The following TMPRSS9 variants were observed in gnomAD, a reference collection of about 807,000 sequenced individuals.
TMPRSS9 encodes the protein transmembrane protease serine 9.
TMPRSS9 carries 113 observed loss-of-function variants against 111.4 expected under a neutral mutation model. The observed-to-expected ratio is 1.01, with a 90% CI of 0.87 to 1.19. TMPRSS9 has a LOEUF of 1.19. Ranked by LOEUF, TMPRSS9 falls within the 50% of genes most tolerant of loss-of-function variation. The pLI is 0.00. For synonymous variants in TMPRSS9, 805 were observed against 659.1 expected (o/e 1.22, Z -3.39); for missense variants, 1,803 against 1,513.1 (o/e 1.19, Z -3.18).
rs1970267337 is a variant in TMPRSS9 at position 2,368,796 on chromosome 19, T to TTTTTTTTTTTTTTTC, written c.-26+8441_-26+8442insTTTTTTTTTCTTTTT. Among the ~76,000 whole-genome samples, 2 of 123,928 alleles carry TTTTTTTTTTTTTTTC rather than the reference T, an allele frequency of 1.6e-5. 1 individual carries two copies. Among genetic ancestry groups the TTTTTTTTTTTTTTTC allele is most frequent in the African/African-American group, 7.3e-5 (2 of 27,522 alleles). 81.3% of individuals were successfully genotyped at this position (123,928 alleles called of 152,430 possible). ...CCAGTTTTTTTTTTTTTTTTTTTTT[T>TTTTTTTTTTTTTTTC]TTTTTAAAGACAGAGTCTCACTCTG... On this transcript the variant is annotated intron_variant, in intron 1 of 17. Transcript: ENST00000649857.
intron 9 of TMPRSS9, 83 bp from the exon 11 acceptor site, chr19:2,413,617 A>C: frequency 3.4e-6 from 5 of 1,468,110 alleles, no homozygotes; most frequent in Non-Finnish European, 4.6e-6. Flanking sequence ...GTCCCAGCTC[A>C]GAGCTCCTTC....
chr19:2,422,144 G>A (rs377421146), exon 14 of TMPRSS9: 24 of 1,590,904 alleles, frequency 1.5e-5, no homozygotes, highest in African/African-American at 2.7e-5. Context: ...GCAGGGTGAC[G>A]GGCCAACCTG....
At chr19:2,379,093 A>G (rs188511683) in intron 1 of TMPRSS9, among the ~76,000 whole-genome samples, 1 of 152,082 alleles carries the variant, frequency 6.6e-6, no homozygotes, top group African/African-American at 2.4e-5. Context: ...GAAGTCAAGA[A>G]TGTAGGTGGC....
rs199829563 is a variant in TMPRSS9, at chr19:2,415,824, C to G, written c.1728C>G (p.Ala576=). The G allele has an allele frequency of 1.9e-6, 3 of 1,597,394 alleles. No homozygotes were observed. The African/African-American group carries it at 4.0e-5, about 21-fold the overall frequency. The change falls in exon 11 of 18, where the codon GCC becomes GCG. Residue 576 remains alanine, a synonymous_variant. Coordinates refer to ENST00000648592, the Ensembl canonical transcript of TMPRSS9. ...TGGGGGACCGCTGGCTGCTGTCTGCCGCCCACTGCTTCAACCAGTAAGGCC... is the reference window on the plus strand; with the variant it reads ...TGGGGGACCGCTGGCTGCTGTCTGCGGCCCACTGCTTCAACCAGTAAGGCC...
Position 2,401,987 on chromosome 19 carries a change from G to A in TMPRSS9, c.527G>A (p.Gly176Glu). The change falls in exon 5 of 18, where the codon GGA (glycine) becomes GAA (glutamate). Residue 176 changes from glycine to glutamate, a missense_variant. Coordinates refer to ENST00000648592, the Ensembl canonical transcript of TMPRSS9. ...TGTTTTGTTGCAGGGAGACATAAGG[G>A]ACCCTTGGCAGAAAGAGACTTCAAA... 3 of 1,611,948 alleles carry A rather than the reference G, an allele frequency of 1.9e-6. No homozygotes were observed. In the East Asian group the frequency reaches 6.7e-5, roughly 36 times the overall value.
chr19:2,372,103 T>C (rs971885160), intron 1 of TMPRSS9, among the ~76,000 whole-genome samples: 2 of 152,178 alleles, frequency 1.3e-5, no homozygotes, highest in African/African-American at 4.8e-5. Flanking sequence ...GTGATCCGCC[T>C]GCCTTGACCT....
intron 9 of TMPRSS9, among the ~76,000 whole-genome samples, chr19:2,411,050 AG>A (rs1839822510): frequency 6.6e-6 from 1 of 152,028 alleles, no homozygotes; most frequent in African/African-American, 2.4e-5. Flanking sequence ...CTGTAATCCC[AG>A]CACTATGCGA....
chr19:2,408,074 A>G (rs76348794), intron 7 of TMPRSS9, among the ~76,000 whole-genome samples: 47,791 of 147,016 alleles, frequency 0.33, 8,015 homozygotes, highest in African/African-American at 0.48. Flanking sequence ...GAGCCACCGC[A>G]CCTGGCCTGT....
chr19:2,421,526 A>G (rs530854978), intron 13 of TMPRSS9, among the ~76,000 whole-genome samples: 24 of 152,148 alleles, frequency 1.6e-4, no homozygotes, highest in Non-Finnish European at 1.2e-4. Context: ...TGACTTCATC[A>G]TCTGCCTGCC....
At chr19:2,425,858 G>A (rs981303714) in intron 17 of TMPRSS9, 69 bp from the exon 19 acceptor site, 239 of 1,507,996 alleles carry the variant, frequency 1.6e-4, no homozygotes, top group African/African-American at 1.8e-4. Flanking sequence ...TCCTAGAGGG[G>A]CCAATGACCC....
upstream of TMPRSS9, among the ~76,000 whole-genome samples, chr19:2,387,734 C>A (rs1166990962): frequency 6.6e-6 from 1 of 150,464 alleles, no homozygotes; most frequent in Non-Finnish European, 1.5e-5. Flanking sequence ...AACAGAGAGA[C>A]TCTCTCTCTC....
chr19:2,390,231 G>GTTTTTTTTTTTTTTT lies in TMPRSS9; in HGVS notation c.142+315_142+316insTTTTTTTTTTTTTTT, dbSNP rs1198106187. On this transcript the variant is annotated intron_variant, in intron 1 of 17. Coordinates refer to ENST00000648592, the Ensembl canonical transcript of TMPRSS9. ...GCAAATCAGCAAAATACCCAAAGTA[G>GTTTTTTTTTTTTTTT]TTTTTTTTTTTGTTTTTTTTTTTTT... Among the ~76,000 whole-genome samples the GTTTTTTTTTTTTTTT allele has an allele frequency of 2.7e-5, 3 of 110,570 alleles. 1 individual carries two copies. The highest frequency in any genetic ancestry group is 1.9e-5 in the Non-Finnish European group (1 of 53,992). 72.5% of individuals were successfully genotyped at this position (110,570 alleles called of 152,430 possible).
intron 6 of TMPRSS9, among the ~76,000 whole-genome samples, chr19:2,404,582 A>G (rs890908013): frequency 4.6e-5 from 7 of 151,902 alleles, no homozygotes; most frequent in African/African-American, 1.7e-4. Flanking sequence ...TACAGTAATA[A>G]TAAGATAGAA....
chr19:2,414,725 G>A (rs1453250485), intron 10 of TMPRSS9, among the ~76,000 whole-genome samples: 1 of 150,960 alleles, frequency 6.6e-6, no homozygotes, highest in East Asian at 2.1e-4. Flanking sequence ...AAATTAGCTG[G>A]GCATGGTGGA....
At chr19:2,416,623 C>T (rs150141008) in exon 12 of TMPRSS9, 83 of 1,612,776 alleles carry the variant, frequency 5.1e-5, no homozygotes, top group South Asian at 8.8e-5. Flanking sequence ...CGGGCTGCGG[C>T]GGGTAGTGCT....
intron 1 of TMPRSS9, among the ~76,000 whole-genome samples, chr19:2,376,806 T>C (rs909853462): frequency 1.3e-5 from 2 of 152,106 alleles, no homozygotes; most frequent in Non-Finnish European, 2.9e-5. Context: ...AGATTCTCTG[T>C]ACCAAGGAGT....
chr19:2,390,546 A>G (rs1375297429), intron 1 of TMPRSS9, among the ~76,000 whole-genome samples: 5 of 148,650 alleles, frequency 3.4e-5, no homozygotes, highest in Non-Finnish European at 1.5e-5. Flanking sequence ...CCCGGCCCCA[A>G]AAGTATTTTT....
intron 7 of TMPRSS9, 83 bp downstream of exon 8, chr19:2,405,628 G>C (rs761373755): frequency 4.7e-5 from 65 of 1,385,110 alleles, no homozygotes; most frequent in Non-Finnish European, 5.9e-5. Flanking sequence ...GTCACTTCTG[G>C]TTTCCTTAGA....
chr19:2,420,793 T>C (rs1216717143), intron 13 of TMPRSS9, among the ~76,000 whole-genome samples: 1 of 152,262 alleles, frequency 6.6e-6, no homozygotes, highest in Non-Finnish European at 1.5e-5. Context: ...ATATTCATTA[T>C]ATTTGTTCTT....
Sources: allele counts gnomAD v4.1 joint callset (sites outside exome capture counted in the v4.1 genomes callset), GRCh38; gene constraint gnomAD v4.1.1; transcripts MANE v1.5; gene names NCBI Gene and HGNC (gene_info 2026-07-23, HGNC 2026-07-21).